Variants in ZNF549 observed in about 807,000 individuals in gnomAD.
ZNF549 encodes zinc finger protein 549.
A neutral mutation model predicts 11.1 loss-of-function variants in ZNF549; 11 were observed. The observed-to-expected ratio is 0.99, with a 90% CI of 0.62 to 1.64. The LOEUF is 1.64. ZNF549 is among the 40% of genes most tolerant of loss of function. The probability of loss-of-function intolerance (pLI) is 0.00; values close to 1 mark genes in which losing one functional copy is unlikely to be tolerated. For synonymous variants in ZNF549, 266 were observed against 269.1 expected (o/e 0.99, Z 0.11); for missense variants, 748 against 765.1 (o/e 0.98, Z 0.26).
intron 1 of ZNF549, among the ~76,000 whole-genome samples, chr19:57,527,933 T>C (rs946940247): frequency 4.6e-5 from 7 of 152,090 alleles, no homozygotes; most frequent in Non-Finnish European, 1.0e-4. Flanking sequence ...TCTGAGTCTT[T>C]GGGAGCCATG....
In ZNF549 at chr19:57,540,528, G is replaced by C. The variant is rs551558423; in HGVS notation, c.*1601G>C. On this transcript the variant is annotated 3_prime_UTR_variant, in exon 4 of 4. Transcript: ENST00000376233. ...TAATCCCAGCACTTTGGGAGGCCAA[G>C]GCAGGTGGATCACCTGAGGTCAGGA... 2 of 152,350 alleles carry C rather than the reference G, an allele frequency of 1.3e-5. No homozygotes were observed. Among genetic ancestry groups the C allele is most frequent in the African/African-American group, 4.8e-5 (2 of 41,562 alleles). 9.4% of individuals were successfully genotyped at this position (152,350 alleles called of 1,614,324 possible). A position where few individuals can be genotyped will look rare whatever the true frequency, so the allele number is the denominator to read the frequency against.
At chr19:57,535,118 T>C in intron 2 of ZNF549, 26 bp from the exon 3 acceptor site, 1 of 1,610,658 alleles carries the variant, frequency 6.2e-7, no homozygotes, top group Non-Finnish European at 8.5e-7. Context: ...AGTCTGCTCA[T>C]GATTTCATCT....
chr19:57,540,114 T>TA lies in ZNF549; in HGVS notation c.*1188dup, dbSNP rs1308082449. On this transcript the variant is annotated 3_prime_UTR_variant, in exon 4 of 4. Transcript: ENST00000376233. Reference sequence around the variant, plus strand: ...CAGGAAAGCAGGATTTGAGAGAACATACACCTTGCCTTCCAGATATGTGGT... The same window carrying TA: ...CAGGAAAGCAGGATTTGAGAGAACATAACACCTTGCCTTCCAGATATGTGGT... 5 of 152,360 alleles carry TA rather than the reference T, an allele frequency of 3.3e-5. No individual in the cohort carries two copies. Among genetic ancestry groups the TA allele is most frequent in the Admixed American group, 2.0e-4 (3 of 15,308 alleles). 9.4% of individuals were successfully genotyped at this position (152,360 alleles called of 1,614,324 possible). A position where few individuals can be genotyped will look rare whatever the true frequency, so the allele number is the denominator to read the frequency against.
At chr19:57,528,723 C>G (rs573220783) in intron 1 of ZNF549, among the ~76,000 whole-genome samples, 14 of 152,304 alleles carry the variant, frequency 9.2e-5, no homozygotes. Flanking sequence ...AGAGAAAGGT[C>G]AGCCAGACTA....
rs578017043 is a variant in ZNF549 at position 57,527,709 on chromosome 19, G to T, written c.33+103G>T. The T allele has an allele frequency of 1.7e-5, 24 of 1,431,050 alleles. No homozygotes were observed. In the South Asian group the frequency reaches 2.8e-4, roughly 17 times the overall value. 88.6% of individuals were successfully genotyped at this position (1,431,050 alleles called of 1,614,324 possible). A position where few individuals can be genotyped will look rare whatever the true frequency, so the allele number is the denominator to read the frequency against. On this transcript the variant is annotated intron_variant, in intron 1 of 3. Transcript: ENST00000376233. ...CAGGCCTCTTCTCCAGGACAGCGAG[G>T]AGTTCTGGGTGGGGTCCTCAGAGCT...
chr19:57,536,868 T>C (rs906625239), intron 3 of ZNF549, among the ~76,000 whole-genome samples: 2 of 152,066 alleles, frequency 1.3e-5, no homozygotes, highest in African/African-American at 4.8e-5. Context: ...GGTGGGAGGA[T>C]CACTTGAGCT....
chr19:57,529,148 A>C (rs2089892468), intron 1 of ZNF549, among the ~76,000 whole-genome samples: 1 of 152,258 alleles, frequency 6.6e-6, no homozygotes, highest in African/African-American at 2.4e-5. Flanking sequence ...GACAGTATTT[A>C]GTATAGTAAC....
chr19:57,531,044 AT>A, intron 1 of ZNF549, 25 bp from the exon 2 acceptor site: 1 of 1,598,068 alleles, frequency 6.3e-7, no homozygotes, highest in Non-Finnish European at 8.5e-7. Context: ...GAACACCTGT[AT>A]TTCATAGCCT....
intron 2 of ZNF549, among the ~76,000 whole-genome samples, chr19:57,534,383 G>C (rs2089915657): frequency 6.6e-6 from 1 of 152,196 alleles, no homozygotes; most frequent in Admixed American, 6.5e-5. Flanking sequence ...TGCTGGCTCA[G>C]ACTTTTGTTG....
Position 57,537,598 on chromosome 19 carries a change from C to G in ZNF549, c.594C>G (p.Leu198=). The change falls in exon 4 of 4, where the codon CTC becomes CTG. Residue 198 remains leucine (L), a synonymous_variant. Coordinates refer to ENST00000376233, the MANE Select transcript of ZNF549 (RefSeq NM_001199295.2). Reference sequence around the variant, plus strand: ...ATTTTCCAACCATCCTGGGCCTTCTCCAACACCAGACCACCCACAGCAGAC... The same window carrying G: ...ATTTTCCAACCATCCTGGGCCTTCTGCAACACCAGACCACCCACAGCAGAC... ...EKDFPTILGL[L]QHQTTHSRQE... is the part of the protein sequence containing the mutation. The G allele has an allele frequency of 6.2e-7, 1 of 1,614,196 alleles. No individual in the cohort carries two copies. The highest frequency in any genetic ancestry group is 8.5e-7 in the Non-Finnish European group (1 of 1,180,036).
rs903221029 is a variant in ZNF549 at position 57,538,293 on chromosome 19, A to G, written c.1289A>G (p.Lys430Arg). ...KECGKAFIHK[K>R]RLLEHQRIHT... ...TGTGGGAAGGCCTTCATTCACAAAA[A>G]AAGACTTCTTGAGCACCAGAGAATT... The change falls in exon 4 of 4, where the codon AAA (lysine) becomes AGA (arginine). Residue 430 changes from lysine (K) to arginine (R), a missense_variant. By Grantham distance (26) the Lys-to-Arg change is conservative (BLOSUM62 2). Transcript: ENST00000376233. The G allele has an allele frequency of 1.9e-6, 3 of 1,613,744 alleles. No homozygotes were observed. The highest frequency in any genetic ancestry group is 2.5e-6 in the Non-Finnish European group (3 of 1,179,938).
At position 57,540,031 on chromosome 19, in the gene ZNF549, C is replaced by T. The variant is rs2089948161; in HGVS notation, c.*1104C>T. The stretch of plus-strand genomic sequence containing the variant: ...AACACACATCGTCAGCATAAGGCAT[C>T]TAAAGATTTTGTGGACTCATAACTT... On this transcript the variant is annotated 3_prime_UTR_variant, in exon 4 of 4. Transcript: ENST00000376233. 6.6e-6 allele frequency: 1 copy of T among 152,218 alleles called. No homozygotes were observed. Among genetic ancestry groups the T allele is most frequent in the Non-Finnish European group, 1.5e-5 (1 of 68,034 alleles). The allele number at this position is 152,218 out of a possible 1,614,324, so 9.4% of individuals were successfully genotyped here.
chr19:57,535,015 C>T (rs2123313795), intron 2 of ZNF549, 129 bp from the exon 3 acceptor site: 1 of 1,254,312 alleles, frequency 8.0e-7, no homozygotes, highest in Non-Finnish European at 1.1e-6. Flanking sequence ...ATGTAAGGCC[C>T]AGAGCCCAGT....
At chr19:57,533,946 C>A (rs2089913780) in intron 2 of ZNF549, among the ~76,000 whole-genome samples, 1 of 152,096 alleles carries the variant, frequency 6.6e-6, no homozygotes, top group South Asian at 2.1e-4. Flanking sequence ...TAGGCCTTCA[C>A]AATGTGGAGT....
chr19:57,534,249 T>C (rs1193650220), intron 2 of ZNF549, among the ~76,000 whole-genome samples: 1 of 152,144 alleles, frequency 6.6e-6, no homozygotes, highest in Non-Finnish European at 1.5e-5. Context: ...GGGGGTAGGA[T>C]GAAACGGGTG....
At chr19:57,537,132 A>C in intron 3 of ZNF549, 72 bp from the exon 4 acceptor site, 1 of 1,508,858 alleles carries the variant, frequency 6.6e-7, no homozygotes, top group Non-Finnish European at 8.9e-7. Flanking sequence ...TGTGTTCCAC[A>C]GGTATTTGTA....
intron 1 of ZNF549, among the ~76,000 whole-genome samples, chr19:57,529,322 T>G (rs1359219060): frequency 6.6e-6 from 1 of 152,232 alleles, no homozygotes; most frequent in African/African-American, 2.4e-5. Flanking sequence ...ATACTATGTT[T>G]CTTCCTAGAC....
chr19:57,533,451 GT>G (rs1366031596), intron 2 of ZNF549, among the ~76,000 whole-genome samples: 6 of 152,132 alleles, frequency 3.9e-5, no homozygotes. Context: ...GGCAGGCTTT[GT>G]TTAGAGGAAC....
At chr19:57,529,844 C>T (rs2089896202) in intron 1 of ZNF549, among the ~76,000 whole-genome samples, 1 of 152,034 alleles carries the variant, frequency 6.6e-6, no homozygotes, top group African/African-American at 2.4e-5. Context: ...CGAGATTGCA[C>T]CACTACACTC....
Sources: gnomAD v4.1 joint callset for allele counts (sites outside exome capture counted in the v4.1 genomes callset) on GRCh38, gnomAD v4.1.1 for gene constraint, MANE v1.5 for transcripts, NCBI Gene and HGNC (gene_info 2026-07-23, HGNC 2026-07-21) for gene names.